Variants in CPA6 observed in about 807,000 individuals in gnomAD.
CPA6 encodes the protein carboxypeptidase B.
A neutral mutation model predicts 63.3 loss-of-function variants in CPA6; 58 were observed. The observed-to-expected ratio is 0.92, with a 90% confidence interval of 0.74 to 1.14. The LOEUF (loss-of-function observed/expected upper bound fraction) is 1.14. Ranked by LOEUF, CPA6 falls within the 50% of genes most tolerant of loss-of-function variation. The pLI, the probability that CPA6 is intolerant of heterozygous loss-of-function variation, is 0.00. For synonymous variants in CPA6, 185 were observed against 179.0 expected, an observed-to-expected ratio of 1.03 and a Z score of -0.27; for missense variants, 565 against 526.6, an observed-to-expected ratio of 1.07 and a Z score of -0.71.
rs140734395 is a variant in CPA6 at position 67,716,593 on chromosome 8, T to A, written c.116+29421A>T. Among the ~76,000 whole-genome samples, 766 of 152,328 alleles carry A rather than the reference T, an allele frequency of 5.0e-3. 3 individuals carry two copies. Among genetic ancestry groups the A allele is most frequent in the Middle Eastern group, 0.017 (5 of 294 alleles). ...CAATCAGATATGAATTTGTCAAAGA[T>A]GAACAGAAGAATGGCTTTGATTTCT... is the stretch of plus-strand genomic sequence containing the variant. On this transcript the variant is annotated intron_variant, in intron 1 of 10. Transcript: ENST00000297770.
chr8:67,440,725 C>T (rs187535567), intron 8 of CPA6, among the ~76,000 whole-genome samples: 3 of 152,146 alleles, frequency 2.0e-5, no homozygotes, highest in Admixed American at 6.5e-5. Context: ...CTACTAGATA[C>T]TATAGGCAAT....
Position 67,568,952 on chromosome 8 carries a change from T to C in CPA6, c.193-50905A>G, listed in dbSNP as rs566521090. Among the ~76,000 whole-genome samples the C allele has an allele frequency of 1.1e-4, 16 of 152,308 alleles. No individual in the cohort carries two copies. The East Asian group carries it at 3.1e-3, about 29-fold the overall frequency. ...TTTTAGTACAGAAGGGGTTTCACCATGTTGGCCAGGCTGGTCTCAAGCTCC... is the reference window on the plus strand; with the variant it reads ...TTTTAGTACAGAAGGGGTTTCACCACGTTGGCCAGGCTGGTCTCAAGCTCC... On this transcript the variant is annotated intron_variant, in intron 2 of 10. Coordinates refer to ENST00000297770, the MANE Select transcript of CPA6 (RefSeq NM_020361.5).
intron 2 of CPA6, among the ~76,000 whole-genome samples, chr8:67,602,243 A>G (rs1814515047): frequency 6.6e-6 from 1 of 152,198 alleles, no homozygotes; most frequent in Non-Finnish European, 1.5e-5. Context: ...ATGCAGAGGT[A>G]CATATTTGTG....
At chr8:67,557,240 G>A (rs1243954037) in intron 2 of CPA6, among the ~76,000 whole-genome samples, 1 of 152,158 alleles carries the variant, frequency 6.6e-6, no homozygotes, top group South Asian at 2.1e-4. Context: ...CACTCTGCAT[G>A]TTCTCAATAT....
At chr8:67,517,060 G>T (rs946556145) in intron 3 of CPA6, among the ~76,000 whole-genome samples, 5 of 152,050 alleles carry the variant, frequency 3.3e-5, no homozygotes, top group Non-Finnish European at 7.4e-5. Flanking sequence ...GCCTCCCAAA[G>T]TCTGGGATTC....
Position 67,511,619 on chromosome 8 carries a change from C to T in CPA6, c.354G>A (p.Lys118=). Residue 118 remains lysine, a synonymous_variant, in exon 4 of 11, where the codon AAG becomes AAA. Coordinates refer to ENST00000297770, the MANE Select transcript of CPA6 (RefSeq NM_020361.5). Reference sequence around the variant, plus strand: ...TTCTCTGGGTGTGCAAGCTGCTTCCCTTCTCCAGTGTTTTCTGAAGATCTT... The same window carrying T: ...TTCTCTGGGTGTGCAAGCTGCTTCCTTTCTCCAGTGTTTTCTGAAGATCTT... ...LIEDLQKTLE[K]GSSLHTQRNR... is the part of the protein sequence containing the mutation. 6 of 1,612,370 alleles carry T rather than the reference C, an allele frequency of 3.7e-6. No individual in the cohort carries two copies. Among genetic ancestry groups the T allele is most frequent in the Non-Finnish European group, 5.1e-6 (6 of 1,178,534 alleles).
intron 1 of CPA6, among the ~76,000 whole-genome samples, chr8:67,630,711 G>A (rs908242022): frequency 6.6e-6 from 1 of 152,230 alleles, no homozygotes; most frequent in African/African-American, 2.4e-5. Flanking sequence ...CTCTGCTTGA[G>A]GGGATGTGTG....
chr8:67,553,339 A>G (rs910272548), intron 2 of CPA6, among the ~76,000 whole-genome samples: 7 of 152,238 alleles, frequency 4.6e-5, no homozygotes, highest in African/African-American at 1.7e-4. Context: ...AAATGAACAC[A>G]ATGCATCCCA....
intron 1 of CPA6, among the ~76,000 whole-genome samples, chr8:67,726,008 G>A (rs1248057900): frequency 6.6e-6 from 1 of 152,112 alleles, no homozygotes; most frequent in Non-Finnish European, 1.5e-5. Context: ...TAAGATAGCT[G>A]CAAATTTAAG....
intron 1 of CPA6, among the ~76,000 whole-genome samples, chr8:67,653,270 T>A (rs1217134419): frequency 1.3e-5 from 2 of 152,186 alleles, no homozygotes; most frequent in African/African-American, 2.4e-5. Context: ...TTTTTCCAAT[T>A]CTGTGAAGAA....
chr8:67,642,357 G>T (rs1043376899), intron 1 of CPA6, among the ~76,000 whole-genome samples: 2 of 151,812 alleles, frequency 1.3e-5, no homozygotes, highest in Non-Finnish European at 2.9e-5. Flanking sequence ...CATTAAAGGG[G>T]ATGTAAACAG....
intron 2 of CPA6, among the ~76,000 whole-genome samples, chr8:67,546,004 A>G (rs778026162): frequency 6.6e-6 from 1 of 152,138 alleles, no homozygotes; most frequent in Non-Finnish European, 1.5e-5. Context: ...CCAGTCACAC[A>G]GACAGACTCA....
At position 67,422,705 on chromosome 8, in the gene CPA6, C is replaced by G; in HGVS notation, c.1127-14G>C. 8.1e-7 allele frequency: 1 copy of G among 1,229,120 alleles called. No homozygotes were observed. The highest frequency in any genetic ancestry group is 1.6e-5 in the African/African-American group (1 of 63,690). The allele number at this position is 1,229,120 out of a possible 1,614,324, so 76.1% of individuals were successfully genotyped here. ...CAGAGCTCACATCTAAAAGTTAAAA[C>G]AAAAAAAAAAAGATCAGCCTCACTA... On this transcript the variant is annotated splice_polypyrimidine_tract_variant and intron_variant, in intron 10 of 10. Transcript: ENST00000297770.
chr8:67,583,582 A>T (rs898419125), intron 2 of CPA6, among the ~76,000 whole-genome samples: 16 of 152,132 alleles, frequency 1.1e-4, no homozygotes, highest in African/African-American at 3.6e-4. Flanking sequence ...TAGTTACAAA[A>T]TTAAGTTCCA....
chr8:67,584,434 G>A (rs1488762944), intron 2 of CPA6, among the ~76,000 whole-genome samples: 1 of 152,140 alleles, frequency 6.6e-6, no homozygotes, highest in Non-Finnish European at 1.5e-5. Flanking sequence ...CAGATGTGAA[G>A]GAATGCTAGG....
chr8:67,698,126 T>C (rs1374168945), intron 1 of CPA6, among the ~76,000 whole-genome samples: 1 of 152,234 alleles, frequency 6.6e-6, no homozygotes, highest in Non-Finnish European at 1.5e-5. Flanking sequence ...GCCCAAAGCA[T>C]TATATTATAT....
intron 9 of CPA6, among the ~76,000 whole-genome samples, chr8:67,428,434 TTC>T (rs111415812): frequency 0.067 from 10,194 of 152,156 alleles, 800 homozygotes; most frequent in African/African-American, 0.19. Context: ...TACTCATATT[TTC>T]TGAGGCTGAC....
At chr8:67,438,867 GA>G (rs887377319) in intron 8 of CPA6, among the ~76,000 whole-genome samples, 9 of 149,598 alleles carry the variant, frequency 6.0e-5, no homozygotes, top group South Asian at 2.1e-4. Flanking sequence ...GAAATTGATG[GA>G]AAAAAAAACT....
intron 8 of CPA6, among the ~76,000 whole-genome samples, chr8:67,450,766 C>T (rs913522142): frequency 2.6e-5 from 4 of 152,180 alleles, no homozygotes; most frequent in Non-Finnish European, 5.9e-5. Context: ...ATAGAATCCT[C>T]GCTAGATCCA....
Sources: allele counts gnomAD v4.1 joint callset (sites outside exome capture counted in the v4.1 genomes callset), GRCh38; gene constraint gnomAD v4.1.1; transcripts MANE v1.5; gene names NCBI Gene and HGNC (gene_info 2026-07-23, HGNC 2026-07-21).